The following CLDN15 variants were observed in gnomAD, a reference collection of about 807,000 sequenced individuals.
CLDN15 encodes claudin 15.
In CLDN15, 9 loss-of-function variants were observed where a neutral mutation model predicts 24.5. The ratio of observed to expected loss-of-function variants is 0.37; its 90% CI spans 0.22 to 0.64. The LOEUF (loss-of-function observed/expected upper bound fraction) is 0.64. Ranked by LOEUF, CLDN15 falls within the 30% of genes least tolerant of loss-of-function variation. The pLI is 0.63. For synonymous variants in CLDN15, 149 were observed against 131.4 expected (o/e 1.13, Z -0.92); for missense variants, 248 against 305.9 (o/e 0.81, Z 1.41).
In CLDN15 at chr7:101,234,302, C is replaced by A. The variant is rs374570698; in HGVS notation, c.358G>T (p.Ala120Ser). Residue 120 changes from alanine to serine, a missense_variant, in exon 2 of 5, where the codon GCA becomes TCA. Ala to Ser is a moderately conservative substitution (Grantham distance 99). Coordinates refer to ENST00000308344, the MANE Select transcript of CLDN15 (RefSeq NM_014343.3). ...CCGGCCAGAATGTGGAGGGCCCCTG[C>A]GGTGGCCGCCAGCTTGGCTTTCCTG... ...LSRKAKLAAT[A>S]GALHILAGIC... 3.9e-5 allele frequency: 63 copies of A among 1,608,708 alleles called. No homozygotes were observed. Among genetic ancestry groups the A allele is most frequent in the Non-Finnish European group, 5.3e-5 (63 of 1,179,582 alleles).
intron 1 of CLDN15, among the ~76,000 whole-genome samples, chr7:101,234,940 A>G (rs993169954): frequency 6.6e-6 from 1 of 151,674 alleles, no homozygotes; most frequent in African/African-American, 2.4e-5. Flanking sequence ...GAGCTGGGCA[A>G]CTCTATTCTG....
In CLDN15 at chr7:101,232,338, G is replaced by T; in HGVS notation, c.*72C>A. 2 of 1,134,638 alleles carry T rather than the reference G, an allele frequency of 1.8e-6. No homozygotes were observed. The highest frequency in any genetic ancestry group is 1.3e-5 in the South Asian group (1 of 74,320). 70.3% of individuals were successfully genotyped at this position (1,134,638 alleles called of 1,614,324 possible). A position where few individuals can be genotyped will look rare whatever the true frequency, so the allele number is the denominator to read the frequency against. ...TGGCCGGCCCCTGAGGTTACTATAG[G>T]GGAATGGGCCCCGGCCAGGTCCCCT... On this transcript the variant is annotated 3_prime_UTR_variant, in exon 5 of 5. Coordinates refer to ENST00000308344, the MANE Select transcript of CLDN15 (RefSeq NM_014343.3).
At position 101,232,676 on chromosome 7, in the gene CLDN15, A is replaced by G. The variant is rs1416055356; in HGVS notation, c.509T>C (p.Leu170Pro). 4.4e-6 allele frequency: 7 copies of G among 1,592,398 alleles called. No individual in the cohort carries two copies. In the African/African-American group the frequency reaches 8.0e-5, roughly 18 times the overall value. ...PALYLGWSAS[L>P]ISILGGLCLC... The stretch of plus-strand genomic sequence containing the variant: ...GCAGAGGCCACCCAGGATGGAGATC[A>G]GTGAGGCGCTCCACCCCAGGTAGAG... The change falls in exon 4 of 5, where the codon CTG becomes CCG. Residue 170 changes from leucine (L) to proline (P), a missense_variant. Physicochemically the swap from Leu to Pro is moderately conservative, Grantham distance 98. Transcript: ENST00000308344.
rs772613666 is a variant in CLDN15 at position 101,232,254 on chromosome 7, G to A, written c.*156C>T. The A allele has an allele frequency of 1.4e-5, 8 of 587,384 alleles. No homozygotes were observed. Among genetic ancestry groups the A allele is most frequent in the Non-Finnish European group, 2.1e-5 (7 of 330,800 alleles). The allele number at this position is 587,384 out of a possible 1,614,324, so 36.4% of individuals were successfully genotyped here. ...CCCAAGAGCAGTTCTTGGCCTGGAG[G>A]GGCCATGAGAGTGCAAGACACGGGG... On this transcript the variant is annotated 3_prime_UTR_variant, in exon 5 of 5. Transcript: ENST00000308344.
chr7:101,238,327 GGA>G (rs996547393), upstream of CLDN15: 2 of 153,246 alleles, frequency 1.3e-5, no homozygotes, highest in Non-Finnish European at 2.9e-5. Flanking sequence ...ACTCAGGCGG[GGA>G]GTTTTAGTCC....
intron 1 of CLDN15, chr7:101,236,871 G>A (rs1373007114): frequency 8.1e-7 from 1 of 1,237,948 alleles, no homozygotes; most frequent in Non-Finnish European, 1.1e-6. Flanking sequence ...CAGTGAGGCT[G>A]GGGAGTCTGT....
At chr7:101,235,425 G>A (rs1050800152) in intron 1 of CLDN15, among the ~76,000 whole-genome samples, 2 of 152,136 alleles carry the variant, frequency 1.3e-5, no homozygotes, top group Non-Finnish European at 1.5e-5. Context: ...CACCACACCC[G>A]GTGGAGTTTC....
chr7:101,234,159 A>G, intron 2 of CLDN15, 119 bp downstream of exon 2: 3 of 858,014 alleles, frequency 3.5e-6, no homozygotes, highest in Non-Finnish European at 6.0e-6. Flanking sequence ...GTGTCCATGC[A>G]GCAGGGTAGG....
chr7:101,236,698 C>G (rs1369341433), intron 1 of CLDN15: 2 of 1,279,224 alleles, frequency 1.6e-6, no homozygotes, highest in Middle Eastern at 2.1e-4. Flanking sequence ...GCTGTTGGCT[C>G]CAGCCCTCTA....
chr7:101,237,596 C>A lies in CLDN15; in HGVS notation c.-15G>T. The A allele has an allele frequency of 6.2e-7, 1 of 1,602,322 alleles. No individual in the cohort carries two copies. The highest frequency in any genetic ancestry group is 8.5e-7 in the Non-Finnish European group (1 of 1,169,656). ...GCCATCGACATGGTGGGATGCAGGA[C>A]CCTGGGGGGCTGGTGCCCCAGAGAG... On this transcript the variant is annotated 5_prime_UTR_variant, in exon 1 of 5. Coordinates refer to ENST00000308344, the MANE Select transcript of CLDN15 (RefSeq NM_014343.3). This position sits in a 1 kb window ranked among gnomAD's most constrained non-coding sequence, Gnocchi z 4.0.
chr7:101,234,646 C>G (rs751879845), intron 1 of CLDN15, among the ~76,000 whole-genome samples: 1 of 151,992 alleles, frequency 6.6e-6, no homozygotes, highest in Non-Finnish European at 1.5e-5. Flanking sequence ...AGGCTGGTCT[C>G]GAACTCCTGA....
In CLDN15 at chr7:101,234,345, A is replaced by G. The variant is rs1436360930; in HGVS notation, c.315T>C (p.Ile105=). Residue 105 remains isoleucine (I), a synonymous_variant, in exon 2 of 5, where the codon ATT becomes ATC. Transcript: ENST00000308344. ...LGIAGLRCTN[I]GGLELSRKAK... is the part of the protein sequence containing the mutation. ...CTTTCCTGGAGAGCTCCAGGCCCCC[A>G]ATGTTGGTGCAGCGCAGGCCCGCTA... 2 of 1,611,840 alleles carry G rather than the reference A, an allele frequency of 1.2e-6. No individual in the cohort carries two copies. Among genetic ancestry groups the G allele is most frequent in the Admixed American group, 1.7e-5 (1 of 59,982 alleles).
chr7:101,236,728 TC>T (rs761484688), intron 1 of CLDN15: 1 of 1,290,818 alleles, frequency 7.7e-7, no homozygotes, highest in Non-Finnish European at 1.0e-6. Flanking sequence ...AAAGACACTG[TC>T]CTGGAAGCCC....
At chr7:101,238,149 G>T (rs1237568491), upstream of CLDN15, 1 of 176,824 alleles carries the variant, frequency 5.7e-6, no homozygotes, top group African/African-American at 2.4e-5. Flanking sequence ...GGTGAAGGAC[G>T]GAGGAACCAC....
chr7:101,234,659 C>G (rs1798590690), intron 1 of CLDN15, among the ~76,000 whole-genome samples: 1 of 151,874 alleles, frequency 6.6e-6, no homozygotes, highest in Non-Finnish European at 1.5e-5. Context: ...ACTCCTGACC[C>G]CAAATGATCT....
chr7:101,237,670 G>A lies in CLDN15; in HGVS notation c.-89C>T. 1.1e-6 allele frequency: 1 copy of A among 898,610 alleles called. No homozygotes were observed. The highest frequency in any genetic ancestry group is 1.8e-6 in the Non-Finnish European group (1 of 554,914). 55.7% of individuals were successfully genotyped at this position (898,610 alleles called of 1,614,324 possible). ...AACTGGAAGGGGCTGCGGCTAAGGA[G>A]GGTTGTCCAGGCAGGCTGGGGTGGA... On this transcript the variant is annotated 5_prime_UTR_variant, in exon 1 of 5. Coordinates refer to ENST00000308344, the MANE Select transcript of CLDN15 (RefSeq NM_014343.3). The surrounding 1 kb of genome is among the most constrained non-coding windows in gnomAD (Gnocchi z 4.0).
intron 2 of CLDN15, 41 bp downstream of exon 2, chr7:101,234,237 G>A (rs772596121): frequency 9.3e-6 from 14 of 1,501,686 alleles, no homozygotes; most frequent in East Asian, 9.0e-5. Flanking sequence ...TGAAGTCTGC[G>A]GTTGAGGGGG....
At chr7:101,237,822 C>T, upstream of CLDN15, 1 of 557,022 alleles carries the variant, frequency 1.8e-6, no homozygotes, top group Non-Finnish European at 3.2e-6. The surrounding 1 kb of genome is among the most constrained non-coding windows in gnomAD (Gnocchi z 4.0). Flanking sequence ...CTGCGCGCGG[C>T]AGCTGTTGAC....
intron 2 of CLDN15, 97 bp from the exon 3 acceptor site, chr7:101,233,011 C>T (rs887230819): frequency 1.2e-5 from 10 of 805,320 alleles, no homozygotes; most frequent in South Asian, 5.9e-5. Context: ...CAGAGTAGGA[C>T]GGGGGCACCA....
Sources: gnomAD v4.1 joint callset for allele counts (sites outside exome capture counted in the v4.1 genomes callset) on GRCh38, gnomAD v4.1.1 for gene constraint, Gnocchi (gnomAD v3.1) non-coding constraint, MANE v1.5 for transcripts, NCBI Gene and HGNC (gene_info 2026-07-23, HGNC 2026-07-21) for gene names.